ZNF814: variants seen among roughly 807,000 people sequenced by gnomAD.
ZNF814 encodes zinc finger protein 814.
Under a neutral mutation model 7.5 loss-of-function variants are expected in ZNF814, and 5 were observed. The observed-to-expected ratio is 0.67, with a 90% CI of 0.35 to 1.40. ZNF814 has a LOEUF of 1.40. Ranked by LOEUF, ZNF814 falls within the 40% of genes most tolerant of loss-of-function variation. The pLI is 0.04. For synonymous variants in ZNF814, 315 were observed against 340.7 expected (o/e 0.92, Z 0.83); for missense variants, 962 against 1,018.0 (o/e 0.94, Z 0.75).
rs539143045 is a variant in ZNF814, at chr19:57,870,691, G to C, written c.*2131C>G. 21 of 152,278 alleles carry C rather than the reference G, an allele frequency of 1.4e-4. No individual in the cohort carries two copies. The highest frequency in any genetic ancestry group is 4.6e-4 in the African/African-American group (19 of 41,558). The allele number at this position is 152,278 out of a possible 1,614,324, so 9.4% of individuals were successfully genotyped here. A position where few individuals can be genotyped will look rare whatever the true frequency, so the allele number is the denominator to read the frequency against. On this transcript the variant is annotated 3_prime_UTR_variant, in exon 3 of 3. Coordinates refer to ENST00000435989, the MANE Select transcript of ZNF814 (RefSeq NM_001144989.2). ...GATCATTGTGGATGCCCTTTTAAAA[G>C]ACATGCATTACGCTGCACGTGGTGG...
At chr19:57,896,863 C>T in the ZNF814 span, among the ~76,000 whole-genome samples, 28 of 152,234 alleles carry the variant, frequency 1.8e-4, no homozygotes, top group Admixed American at 1.8e-3. This position sits in a 1 kb window ranked among gnomAD's most constrained non-coding sequence, Gnocchi z 4.2. Flanking sequence ...TGATGAAGCT[C>T]AAACTCAGGC....
the ZNF814 span, among the ~76,000 whole-genome samples, chr19:57,894,836 A>G: frequency 1.3e-4 from 18 of 143,444 alleles, no homozygotes; most frequent in Middle Eastern, 3.7e-3. Flanking sequence ...TCCGTCTCAG[A>G]AAAAAAAAAA....
intron 1 of ZNF814, among the ~76,000 whole-genome samples, chr19:57,879,770 C>T (rs979928989): frequency 1.4e-5 from 2 of 140,730 alleles, no homozygotes; most frequent in Non-Finnish European, 3.1e-5. Flanking sequence ...GCTGATACAG[C>T]TTCTATCACT....
chr19:57,873,727 TCCCACACTC>T lies in ZNF814; in HGVS notation c.1654_1662del (p.Glu552_Gly554del). On this transcript the variant is annotated inframe_deletion, in exon 3 of 3. Coordinates refer to ENST00000435989, the MANE Select transcript of ZNF814 (RefSeq NM_001144989.2). ...AGGGTGCCTTTATGACTAAAAGATT[TCCCACACTC>T]TCCACACTCATAAAGTCTGTCCCCA... 6.2e-7 allele frequency: 1 copy of T among 1,613,542 alleles called. No individual in the cohort carries two copies. The highest frequency in any genetic ancestry group is 1.1e-5 in the South Asian group (1 of 91,008).
At chr19:57,875,463 G>T (rs1249984428) in intron 2 of ZNF814, among the ~76,000 whole-genome samples, 3 of 152,214 alleles carry the variant, frequency 2.0e-5, no homozygotes, top group Non-Finnish European at 4.4e-5. Flanking sequence ...GGGAGTACAG[G>T]CAGGGTCTAC....
At chr19:57,889,693 C>T (rs941727377), upstream of ZNF814, among the ~76,000 whole-genome samples, 1 of 152,062 alleles carries the variant, frequency 6.6e-6, no homozygotes, top group Non-Finnish European at 1.5e-5. Context: ...GGTGAAACCC[C>T]GCCTCTACTA....
chr19:57,878,755 G>C (rs2071629973), intron 1 of ZNF814, among the ~76,000 whole-genome samples: 2 of 152,136 alleles, frequency 1.3e-5, no homozygotes, highest in African/African-American at 4.8e-5. Flanking sequence ...CGCTGCACCT[G>C]TTCAGATATA....
chr19:57,885,667 GAA>G (rs1423648930), intron 1 of ZNF814, among the ~76,000 whole-genome samples: 10 of 148,788 alleles, frequency 6.7e-5, no homozygotes, highest in Admixed American at 6.7e-4. Flanking sequence ...ATAAGATCTA[GAA>G]AAAGAGAATA....
At position 57,873,048 on chromosome 19, in the gene ZNF814, A is replaced by T. The variant is rs747788450; in HGVS notation, c.2342T>A (p.Phe781Tyr). 4 of 1,614,026 alleles carry T rather than the reference A, an allele frequency of 2.5e-6. No homozygotes were observed. The highest frequency in any genetic ancestry group is 3.4e-6 in the Non-Finnish European group (4 of 1,179,970). The change falls in exon 3 of 3, where the codon TTC (phenylalanine) becomes TAC (tyrosine). Residue 781 changes from phenylalanine (F) to tyrosine (Y), a missense_variant. By Grantham distance (22) the Phe-to-Tyr change is conservative. Around this residue, in one of 7 missense-constraint regions of ZNF814, gnomAD observed 665 missense variants for 551.4 expected, o/e 1.21. Coordinates refer to ENST00000435989, the MANE Select transcript of ZNF814 (RefSeq NM_001144989.2). ...TTTTGTGAAACTGGAGCTTTCAGCGAAAGATTTTCCACATTCACTGCACTC... is the reference window on the plus strand; with the variant it reads ...TTTTGTGAAACTGGAGCTTTCAGCGTAAGATTTTCCACATTCACTGCACTC... ...PYECSECGKS[F>Y]AESSSFTKHK...
rs186493620 is a variant in ZNF814 at position 57,884,577 on chromosome 19, T to C, written c.36+4190A>G. Among the ~76,000 whole-genome samples the C allele has an allele frequency of 6.0e-4, 91 of 152,256 alleles. 1 individual carries two copies. Among genetic ancestry groups the C allele is most frequent in the Non-Finnish European group, 8.2e-4 (56 of 68,014 alleles). On this transcript the variant is annotated intron_variant, in intron 1 of 2. Coordinates refer to ENST00000435989, the MANE Select transcript of ZNF814 (RefSeq NM_001144989.2). Reference sequence around the variant, plus strand: ...AAGCTGCAGTGAGCCATCATCACACTACAGCATTCCAGCCTGGGTGACAGA... The same window carrying C: ...AAGCTGCAGTGAGCCATCATCACACCACAGCATTCCAGCCTGGGTGACAGA...
Position 57,871,511 on chromosome 19 carries a change from C to T in ZNF814, c.*1311G>A, listed in dbSNP as rs190756738. 1.5e-4 allele frequency: 23 copies of T among 152,218 alleles called. No homozygotes were observed. The highest frequency in any genetic ancestry group is 4.3e-4 in the African/African-American group (18 of 41,528). 9.4% of individuals were successfully genotyped at this position (152,218 alleles called of 1,614,324 possible). A position where few individuals can be genotyped will look rare whatever the true frequency, so the allele number is the denominator to read the frequency against. ...GAACCACCCATACAGTGACAACAAC[C>T]CTCAAGATTGAAGAAGGCTGAAACA... is the stretch of plus-strand genomic sequence containing the variant. On this transcript the variant is annotated 3_prime_UTR_variant, in exon 3 of 3. Transcript: ENST00000435989.
chr19:57,888,152 A>C (rs2071708840), intron 1 of ZNF814, among the ~76,000 whole-genome samples: 1 of 152,186 alleles, frequency 6.6e-6, no homozygotes, highest in Non-Finnish European at 1.5e-5. Context: ...CGGGTACAAC[A>C]GTGTTATGTT....
chr19:57,874,653 T>A lies in ZNF814; in HGVS notation c.737A>T (p.Glu246Val), dbSNP rs1445017747. 1 of 1,557,066 alleles carries A rather than the reference T, an allele frequency of 6.4e-7. No individual in the cohort carries two copies. Among genetic ancestry groups the A allele is most frequent in the Non-Finnish European group, 8.7e-7 (1 of 1,149,452 alleles). The change falls in exon 3 of 3, where the codon GAA becomes GTA. Residue 246 changes from glutamate to valine, a missense_variant. By Grantham distance (121) the Glu-to-Val change is moderately radical (BLOSUM62 -2). Around this residue, in one of 7 missense-constraint regions of ZNF814, gnomAD observed 126 missense variants for 123.5 expected, o/e 1.02. Transcript: ENST00000435989. Reference sequence around the variant, plus strand: ...ATATTTGCTAAAGGACTTCCCACATTCACAGCACACATAACACTCTTCTCT... The same window carrying A: ...ATATTTGCTAAAGGACTTCCCACATACACAGCACACATAACACTCTTCTCT... Reference protein sequence around the residue: ...LTREECYVCCECGKSFSKYAS... With the variant: ...LTREECYVCCVCGKSFSKYAS...
At chr19:57,897,467 C>T in the ZNF814 span, among the ~76,000 whole-genome samples, 4 of 152,262 alleles carry the variant, frequency 2.6e-5, no homozygotes, top group Admixed American at 6.5e-5. Flanking sequence ...TGTATACCCC[C>T]GGTATAAGAA....
chr19:57,882,946 A>T (rs2071659851), intron 1 of ZNF814, among the ~76,000 whole-genome samples: 2 of 152,376 alleles, frequency 1.3e-5, no homozygotes, highest in South Asian at 4.1e-4. Context: ...GGAGAAACAG[A>T]GATACATGAC....
chr19:57,886,132 C>A (rs1449086709), intron 1 of ZNF814, among the ~76,000 whole-genome samples: 1 of 151,958 alleles, frequency 6.6e-6, no homozygotes, highest in Non-Finnish European at 1.5e-5. Context: ...ACATATAGGT[C>A]GGGGTCAGTA....
intron 1 of ZNF814, 98 bp from the exon 2 acceptor site, chr19:57,877,140 A>G (rs866607997): frequency 6.5e-7 from 1 of 1,535,310 alleles, no homozygotes; most frequent in Middle Eastern, 1.8e-4. Context: ...TCCTCCTCTC[A>G]AGGTCCTCAA....
chr19:57,883,357 C>CAAA (rs768307718), intron 1 of ZNF814, among the ~76,000 whole-genome samples: 53 of 65,306 alleles, frequency 8.1e-4, no homozygotes, highest in Admixed American at 2.7e-3. Context: ...GACTCCATCT[C>CAAA]AAAAAAAAAA....
chr19:57,882,423 C>A (rs2071657080), intron 1 of ZNF814, among the ~76,000 whole-genome samples: 1 of 72,596 alleles, frequency 1.4e-5, no homozygotes, highest in Non-Finnish European at 2.5e-5. Flanking sequence ...CAGGCGATAG[C>A]CATGTAGTGG....
Sources: gnomAD v4.1 joint callset for allele counts (sites outside exome capture counted in the v4.1 genomes callset) on GRCh38, gnomAD v4.1.1 for gene constraint, gnomAD v4.1.1 regional missense constraint, Gnocchi (gnomAD v3.1) non-coding constraint, MANE v1.5 for transcripts, NCBI Gene and HGNC (gene_info 2026-07-23, HGNC 2026-07-21) for gene names.